FAN1: variants seen among roughly 807,000 people sequenced by gnomAD.
FAN1 encodes FANCD2 and FANCI associated nuclease 1.
FAN1 carries 91 observed loss-of-function variants against 104.9 expected under a neutral mutation model. That is an observed-to-expected ratio of 0.87 (90% confidence interval 0.73 to 1.03). FAN1 has a LOEUF of 1.03. FAN1 is among the 50% of genes least tolerant of loss of function. FAN1 has a pLI of 0.00. For missense variants in FAN1, 1,263 were observed against 1,239.9 expected (o/e 1.02, Z -0.28); for synonymous variants, 478 against 457.6 (o/e 1.04, Z -0.57).
chr15:30,905,190 T>C lies in FAN1; in HGVS notation c.527T>C (p.Phe176Ser). ...AAATCAATAGATAAGGATGAAGAAT[T>C]TGCCGGTTCTAGTCCACAGAGTTCC... ...AKKSIDKDEE[F>S]AGSSPQSSKS... Residue 176 changes from phenylalanine to serine, a missense_variant, in exon 2 of 15, where the codon TTT becomes TCT. Coordinates refer to ENST00000362065, the MANE Select transcript of FAN1 (RefSeq NM_014967.5). The C allele has an allele frequency of 6.2e-7, 1 of 1,613,606 alleles. No homozygotes were observed. Among genetic ancestry groups the C allele is most frequent in the Non-Finnish European group, 8.5e-7 (1 of 1,179,870 alleles).
chr15:30,911,664 T>C (rs1303623668), intron 4 of FAN1: 1 of 905,112 alleles, frequency 1.1e-6, no homozygotes, highest in African/African-American at 1.8e-5. Flanking sequence ...CTCATCTGTG[T>C]GGTATGTTAA....
chr15:30,923,361 C>T (rs955861929), intron 8 of FAN1, among the ~76,000 whole-genome samples: 1 of 152,138 alleles, frequency 6.6e-6, no homozygotes, highest in Non-Finnish European at 1.5e-5. Context: ...GTTTCTGTCG[C>T]CTTTCTTTCA....
intron 13 of FAN1, among the ~76,000 whole-genome samples, chr15:30,936,014 T>A (rs1164991537): frequency 6.6e-6 from 1 of 152,184 alleles, no homozygotes; most frequent in East Asian, 1.9e-4. Context: ...ATTTTTTCTT[T>A]AAGTATTTTT....
At chr15:30,929,791 T>TATAA (rs2062614358) in intron 12 of FAN1, among the ~76,000 whole-genome samples, 1 of 48,692 alleles carries the variant, frequency 2.1e-5, no homozygotes, top group African/African-American at 9.8e-5. Context: ...ATATCATATA[T>TATAA]AATATAATAT....
chr15:30,939,256 G>C, intron 14 of FAN1: 1 of 985,444 alleles, frequency 1.0e-6, no homozygotes, highest in Non-Finnish European at 1.2e-6. Context: ...GCAAGACACT[G>C]TACACCTTTA....
At chr15:30,927,933 G>A in intron 10 of FAN1, 3 of 985,820 alleles carry the variant, frequency 3.0e-6, no homozygotes, top group Non-Finnish European at 3.6e-6. Flanking sequence ...TAAAACATTT[G>A]TGTGACGTGA....
Position 30,941,705 on chromosome 15 carries a change from C to T in FAN1, c.*143C>T, listed in dbSNP as rs373282106. On this transcript the variant is annotated 3_prime_UTR_variant, in exon 15 of 15. Transcript: ENST00000362065. ...ATAGCAGGCCTCCAGGGGGCCACTGCGCTGTTGCCGCAGCATCCTGCTCAG... is the reference window on the plus strand; with the variant it reads ...ATAGCAGGCCTCCAGGGGGCCACTGTGCTGTTGCCGCAGCATCCTGCTCAG... The T allele has an allele frequency of 2.0e-4, 318 of 1,613,818 alleles. 5 individuals are homozygous for T. The South Asian group carries it at 2.5e-3, about 13-fold the overall frequency.
rs1252265159 is a variant in FAN1, at chr15:30,939,016, ATCT to A, written c.*3+1762_*3+1764del. 1.7e-5 allele frequency: 17 copies of A among 985,318 alleles called. No individual in the cohort carries two copies. In the African/African-American group the frequency reaches 2.4e-4, roughly 14 times the overall value. 61.0% of individuals were successfully genotyped at this position (985,318 alleles called of 1,614,324 possible). A position where few individuals can be genotyped will look rare whatever the true frequency, so the allele number is the denominator to read the frequency against. On this transcript the variant is annotated intron_variant, in intron 14 of 14. Coordinates refer to ENST00000362065, the MANE Select transcript of FAN1 (RefSeq NM_014967.5). Reference sequence around the variant, plus strand: ...ATACTGTTGAACAACAAGATAACACATCTTCTTGCTCATCCCACTTGAACTCAA... The same window carrying A: ...ATACTGTTGAACAACAAGATAACACATCTTGCTCATCCCACTTGAACTCAA...
chr15:30,903,896 T>G (rs1451228592), upstream of FAN1: 2 of 152,298 alleles, frequency 1.3e-5, no homozygotes, highest in African/African-American at 4.8e-5. Flanking sequence ...AGGTGGGAGG[T>G]GCGAGGTGGC....
chr15:30,942,614 A>C lies in FAN1; in HGVS notation c.*1052A>C, dbSNP rs2140988917. ...ATTCCCTGCCACAGTGGCGGCTTGA[A>C]TCATCAAGAAATGGATAAATGGGGC... On this transcript the variant is annotated 3_prime_UTR_variant, in exon 15 of 15. Coordinates refer to ENST00000362065, the MANE Select transcript of FAN1 (RefSeq NM_014967.5). The C allele has an allele frequency of 2.4e-6, 1 of 409,938 alleles. No individual in the cohort carries two copies. Among genetic ancestry groups the C allele is most frequent in the African/African-American group, 2.0e-5 (1 of 49,026 alleles). 25.4% of individuals were successfully genotyped at this position (409,938 alleles called of 1,614,324 possible).
intron 8 of FAN1, among the ~76,000 whole-genome samples, chr15:30,924,482 C>T (rs1203374338): frequency 1.3e-5 from 2 of 152,208 alleles, no homozygotes; most frequent in Admixed American, 1.3e-4. Context: ...TTCTCTACCT[C>T]CTTGTCAATG....
intron 4 of FAN1, 152 bp downstream of exon 4, chr15:30,910,967 G>A: frequency 5.2e-6 from 7 of 1,348,708 alleles, no homozygotes; most frequent in Non-Finnish European, 5.7e-6. Flanking sequence ...CAATAGCCTG[G>A]ATTCTTTCTT....
rs1193388355 is a variant in FAN1 at position 30,929,586 on chromosome 15, ATATAT to A, written c.2787+195_2787+199del. 4.0e-5 allele frequency among the ~76,000 whole-genome samples: 5 copies of A among 125,848 alleles called. No homozygotes were observed. In the East Asian group the frequency reaches 8.8e-4, roughly 22 times the overall value. The allele number at this position is 125,848 out of a possible 152,430, so 82.6% of individuals were successfully genotyped here. On this transcript the variant is annotated intron_variant, in intron 12 of 14. Coordinates refer to ENST00000362065, the MANE Select transcript of FAN1 (RefSeq NM_014967.5). ...ATATCTTTATTATATTTATTATATT[ATATAT>A]TATATATTACATATTACATATATAA... is the stretch of plus-strand genomic sequence containing the variant.
rs2063019144 is a variant in FAN1, at chr15:30,940,779, A to AATT, written c.*4-784_*4-782dup. On this transcript the variant is annotated intron_variant, in intron 14 of 14. Coordinates refer to ENST00000362065, the MANE Select transcript of FAN1 (RefSeq NM_014967.5). ...TTCCCACCCCAATTTTAAAAAGTGA[A>AATT]ATTATATTTTCTTCTGTAATATTTG... 14 of 987,036 alleles carry AATT rather than the reference A, an allele frequency of 1.4e-5. No homozygotes were observed. In the South Asian group the frequency reaches 5.6e-4, roughly 40 times the overall value. 61.1% of individuals were successfully genotyped at this position (987,036 alleles called of 1,614,324 possible).
intron 3 of FAN1, among the ~76,000 whole-genome samples, chr15:30,909,150 A>G (rs142534885): frequency 2.0e-3 from 297 of 152,282 alleles, no homozygotes; most frequent in African/African-American, 6.7e-3. Flanking sequence ...ACAAAATTGT[A>G]CTGTATTAGG....
At chr15:30,928,097 G>A (rs1322387411) in intron 10 of FAN1, 22 of 999,316 alleles carry the variant, frequency 2.2e-5, no homozygotes, top group South Asian at 4.4e-5. Flanking sequence ...GGCTGCTGCC[G>A]GCCTCCGGGA....
Position 30,941,552 on chromosome 15 carries a change from C to G in FAN1, c.*4-14C>G. ...TTTGCTTAATGGTGTTCCTAAAATG[C>G]TTCGTCTGCACAGATTCCCTACAGG... is the stretch of plus-strand genomic sequence containing the variant. On this transcript the variant is annotated splice_polypyrimidine_tract_variant and intron_variant, in intron 14 of 14. Coordinates refer to ENST00000362065, the MANE Select transcript of FAN1 (RefSeq NM_014967.5). 6.2e-7 allele frequency: 1 copy of G among 1,604,790 alleles called. No individual in the cohort carries two copies. Among genetic ancestry groups the G allele is most frequent in the Non-Finnish European group, 8.5e-7 (1 of 1,175,038 alleles).
intron 14 of FAN1, chr15:30,940,026 A>G: frequency 1.0e-6 from 1 of 976,492 alleles, no homozygotes; most frequent in Non-Finnish European, 1.2e-6. Context: ...TTCAGTACAT[A>G]TAAAGGTAAA....
intron 13 of FAN1, among the ~76,000 whole-genome samples, chr15:30,935,262 C>T (rs929122625): frequency 6.6e-6 from 1 of 151,626 alleles, no homozygotes; most frequent in Non-Finnish European, 1.5e-5. Context: ...GTGCTGAGAT[C>T]ATACCACTGT....
Sources: gnomAD v4.1 joint callset for allele counts (sites outside exome capture counted in the v4.1 genomes callset) on GRCh38, gnomAD v4.1.1 for gene constraint, MANE v1.5 for transcripts, NCBI Gene and HGNC (gene_info 2026-07-23, HGNC 2026-07-21) for gene names.